DAB1: variants seen among roughly 807,000 people sequenced by gnomAD.
DAB1 encodes the protein disabled homolog 1.
A neutral mutation model predicts 64.6 loss-of-function variants in DAB1; 15 were observed. The ratio of observed to expected loss-of-function variants is 0.23; its 90% CI spans 0.16 to 0.36. The LOEUF is 0.36. DAB1 is among the 10% of genes least tolerant of loss of function. The pLI is 1.00. For synonymous variants in DAB1, 235 were observed against 251.9 expected (o/e 0.93, Z 0.64); for missense variants, 596 against 706.7 (o/e 0.84, Z 1.78).
chr1:57,349,836 C>A (rs879572442), intron 1 of DAB1, among the ~76,000 whole-genome samples: 15 of 152,144 alleles, frequency 9.9e-5, no homozygotes, highest in Non-Finnish European at 1.9e-4. Context: ...AAAAGAATAT[C>A]TTTTTATGTG....
intron 4 of DAB1, among the ~76,000 whole-genome samples, chr1:58,152,852 G>T (rs1655017430): frequency 6.6e-6 from 1 of 152,172 alleles, no homozygotes; most frequent in Non-Finnish European, 1.5e-5. Flanking sequence ...AACCTTCTGA[G>T]TTAGATAGAA....
At chr1:58,215,674 G>A (rs1658814815) in intron 4 of DAB1, among the ~76,000 whole-genome samples, 1 of 152,076 alleles carries the variant, frequency 6.6e-6, no homozygotes, top group Non-Finnish European at 1.5e-5. Context: ...ACTCCTTGAG[G>A]GGAGCCTCAA....
chr1:58,251,991 C>A (rs898399003), intron 4 of DAB1, among the ~76,000 whole-genome samples: 5 of 151,952 alleles, frequency 3.3e-5, no homozygotes, highest in Non-Finnish European at 5.9e-5. Context: ...GGACAGCTAC[C>A]CTGGGGGTCT....
At chr1:57,943,382 G>C (rs917227820) in intron 5 of DAB1, among the ~76,000 whole-genome samples, 5 of 152,200 alleles carry the variant, frequency 3.3e-5, no homozygotes, top group African/African-American at 1.2e-4. Flanking sequence ...TTTGTAGTAA[G>C]CTCATGTGTG....
chr1:57,685,491 G>A (rs919618794), intron 6 of DAB1, among the ~76,000 whole-genome samples: 17 of 152,142 alleles, frequency 1.1e-4, no homozygotes, highest in Non-Finnish European at 2.4e-4. Flanking sequence ...CATTGACAGT[G>A]TTAGATCAAC....
chr1:58,135,539 G>C (rs1653894904), intron 5 of DAB1, among the ~76,000 whole-genome samples: 1 of 151,950 alleles, frequency 6.6e-6, no homozygotes, highest in African/African-American at 2.4e-5. Context: ...TATTTTTAAA[G>C]ATAATTTTAA....
chr1:57,104,546 A>T (rs370113153), intron 4 of DAB1, among the ~76,000 whole-genome samples: 1 of 152,210 alleles, frequency 6.6e-6, no homozygotes, highest in African/African-American at 2.4e-5. Context: ...TCTATGCCCT[A>T]TGGTTGGGAA....
intron 2 of DAB1, among the ~76,000 whole-genome samples, chr1:57,278,124 G>C (rs1425576319): frequency 6.6e-6 from 1 of 152,202 alleles, no homozygotes; most frequent in Non-Finnish European, 1.5e-5. Flanking sequence ...TCTCTGCTGG[G>C]AAACAGCATG....
intron 4 of DAB1, among the ~76,000 whole-genome samples, chr1:58,207,369 A>T (rs1437821644): frequency 6.6e-6 from 1 of 152,208 alleles, no homozygotes; most frequent in Admixed American, 6.5e-5. Flanking sequence ...GGTTGGGAAA[A>T]GAGAAAGTTC....
chr1:58,238,480 G>A (rs1210912009), intron 4 of DAB1, among the ~76,000 whole-genome samples: 1 of 152,114 alleles, frequency 6.6e-6, no homozygotes. Context: ...CAGAGGAGAG[G>A]ACCAGATAGT....
intron 1 of DAB1, among the ~76,000 whole-genome samples, chr1:57,303,245 A>T (rs774379642): frequency 6.6e-6 from 1 of 152,318 alleles, no homozygotes; most frequent in Non-Finnish European, 1.5e-5. Context: ...AGTGGTAGAC[A>T]GAATGGTGAC....
chr1:57,871,915 A>C (rs980152707), intron 1 of DAB1, among the ~76,000 whole-genome samples: 16 of 152,120 alleles, frequency 1.1e-4, no homozygotes, highest in African/African-American at 3.9e-4. Context: ...TTATTTGTTC[A>C]TTCAACAGAC....
chr1:58,111,992 C>T (rs879851056), intron 5 of DAB1, among the ~76,000 whole-genome samples: 3 of 152,196 alleles, frequency 2.0e-5, no homozygotes, highest in African/African-American at 7.2e-5. Context: ...CCTCGACCTA[C>T]ACCATCCGTC....
chr1:57,375,037 C>A (rs556841083), intron 1 of DAB1, among the ~76,000 whole-genome samples: 60 of 152,272 alleles, frequency 3.9e-4, no homozygotes, highest in African/African-American at 1.4e-3. Flanking sequence ...ATAGAACATT[C>A]ATTTAGTGCT....
chr1:57,754,069 A>C (rs528770795), intron 6 of DAB1, among the ~76,000 whole-genome samples: 1 of 152,194 alleles, frequency 6.6e-6, no homozygotes, highest in Non-Finnish European at 1.5e-5. Flanking sequence ...ATGAGAGCTT[A>C]TCTCATCCTC....
intron 3 of DAB1, among the ~76,000 whole-genome samples, chr1:58,387,729 T>C (rs1468931166): frequency 2.1e-5 from 3 of 143,680 alleles, no homozygotes; most frequent in African/African-American, 5.1e-5. Flanking sequence ...TTTCTTTTTT[T>C]TTTTTTTTTT....
chr1:58,401,856 C>T (rs1302007613), intron 3 of DAB1, among the ~76,000 whole-genome samples: 3 of 152,204 alleles, frequency 2.0e-5, no homozygotes, highest in African/African-American at 7.2e-5. Flanking sequence ...AGGCTATCCC[C>T]ATGTCAGAAT....
chr1:57,766,813 G>A (rs1323825), intron 6 of DAB1, among the ~76,000 whole-genome samples: 66,700 of 151,756 alleles, frequency 0.44, 15,045 homozygotes, highest in African/African-American at 0.51. Context: ...TAGGCAACAC[G>A]CTCTTCTGTC....
At chr1:57,519,319 C>A (rs11207052) in intron 7 of DAB1, among the ~76,000 whole-genome samples, 38,747 of 152,034 alleles carry the variant, frequency 0.25, 5,136 homozygotes, top group African/African-American at 0.33. Flanking sequence ...ATAAGCCTGC[C>A]GGTGCCCTGA....
Sources: gnomAD v4.1 joint callset for allele counts (sites outside exome capture counted in the v4.1 genomes callset) on GRCh38, gnomAD v4.1.1 for gene constraint, MANE v1.5 for transcripts, NCBI Gene and HGNC (gene_info 2026-07-23, HGNC 2026-07-21) for gene names.